Variants in CRTAC1 observed in about 807,000 individuals in gnomAD.
The protein encoded by CRTAC1 is acidic secreted protein in cartilage.
A neutral mutation model predicts 67.8 loss-of-function variants in CRTAC1; 37 were observed. The ratio of observed to expected loss-of-function variants is 0.55; its 90% confidence interval spans 0.42 to 0.72. The LOEUF is 0.72. Among genes scored for constraint, CRTAC1 ranks in the 30% least tolerant of loss-of-function variants. The probability of loss-of-function intolerance (pLI) is 0.00; values close to 1 mark genes in which losing one functional copy is unlikely to be tolerated. For synonymous variants in CRTAC1, 348 were observed against 371.0 expected, an observed-to-expected ratio of 0.94 and a Z score of 0.71; for missense variants, 780 against 931.6, an observed-to-expected ratio of 0.84 and a Z score of 2.12.
intron 2 of CRTAC1, among the ~76,000 whole-genome samples, chr10:97,982,146 T>C (rs1429386313): frequency 6.6e-6 from 1 of 152,196 alleles, no homozygotes; most frequent in Non-Finnish European, 1.5e-5. Context: ...TCTGATTTCA[T>C]AAAAGCTTCT....
At chr10:97,942,534 A>G (rs965911424) in intron 2 of CRTAC1, among the ~76,000 whole-genome samples, 18 of 152,246 alleles carry the variant, frequency 1.2e-4, no homozygotes, top group Admixed American at 2.0e-4. Context: ...CTTTTCGCTT[A>G]GAATCTTTGA....
chr10:97,930,169 G>A (rs2050983012), intron 3 of CRTAC1, among the ~76,000 whole-genome samples: 1 of 152,228 alleles, frequency 6.6e-6, no homozygotes, highest in South Asian at 2.1e-4. Context: ...GCCTAAGGTT[G>A]CACAGCTGTT....
At chr10:98,026,588 A>T (rs1448186365) in intron 1 of CRTAC1, among the ~76,000 whole-genome samples, 2 of 152,060 alleles carry the variant, frequency 1.3e-5, no homozygotes, top group Non-Finnish European at 2.9e-5. Context: ...TCCAGTTTAA[A>T]GAGAGGGGCT....
chr10:98,005,100 A>ATATATTTTTT, intron 2 of CRTAC1, among the ~76,000 whole-genome samples: 1 of 48,884 alleles, frequency 2.0e-5, no homozygotes, highest in African/African-American at 1.2e-4. Context: ...ATATATATAT[A>ATATATTTTTT]TTTTTTTTTT....
In CRTAC1 at chr10:98,021,042, G is replaced by T. The variant is rs536098539; in HGVS notation, c.24+9407C>A. Among the ~76,000 whole-genome samples the T allele has an allele frequency of 4.0e-5, 6 of 150,588 alleles. No individual in the cohort carries two copies. The East Asian group carries it at 9.9e-4, about 25-fold the overall frequency. ...ATTCATTCATTCATTCATTCATTCA[G>T]TATTTCTTGTGCACCTACTCTATGT... On this transcript the variant is annotated intron_variant, in intron 1 of 14. Coordinates refer to ENST00000370597, the MANE Select transcript of CRTAC1 (RefSeq NM_018058.7).
intron 2 of CRTAC1, among the ~76,000 whole-genome samples, chr10:97,964,007 G>A (rs941893803): frequency 1.4e-4 from 22 of 152,026 alleles, no homozygotes; most frequent in African/African-American, 4.8e-4. Flanking sequence ...TTCTACACTC[G>A]CCCCACCTAC....
At chr10:97,892,214 A>G (rs1475638551) in intron 11 of CRTAC1, among the ~76,000 whole-genome samples, 1 of 152,200 alleles carries the variant, frequency 6.6e-6, no homozygotes, top group African/African-American at 2.4e-5. Flanking sequence ...GGCAGGGCAG[A>G]TTCTGGCCAG....
chr10:97,902,854 A>G (rs988151945), intron 7 of CRTAC1, among the ~76,000 whole-genome samples: 4 of 151,554 alleles, frequency 2.6e-5, no homozygotes, highest in East Asian at 3.9e-4. Context: ...GGCTGTCTCC[A>G]TCAGAGGAGT....
rs189095532 is a variant in CRTAC1, at chr10:97,985,198, C to G, written c.224+25940G>C. On this transcript the variant is annotated intron_variant, in intron 2 of 14. Transcript: ENST00000370597. ...AGGAAGAGAGAATAGATGCTAGGCA[C>G]CAAAAAATGACAAATTTGAACCATA... is the stretch of plus-strand genomic sequence containing the variant. Among the ~76,000 whole-genome samples the G allele has an allele frequency of 2.0e-5, 3 of 152,244 alleles. No homozygotes were observed. In the East Asian group the frequency reaches 5.8e-4, roughly 29 times the overall value.
At chr10:97,906,503 C>T (rs1044412148) in intron 6 of CRTAC1, among the ~76,000 whole-genome samples, 17 of 152,174 alleles carry the variant, frequency 1.1e-4, no homozygotes, top group African/African-American at 3.4e-4. Flanking sequence ...TCTCTCCTCC[C>T]GCCTGATACC....
intron 1 of CRTAC1, among the ~76,000 whole-genome samples, chr10:98,019,872 G>A (rs1206413519): frequency 6.6e-6 from 1 of 152,222 alleles, no homozygotes; most frequent in Non-Finnish European, 1.5e-5. Flanking sequence ...CACCTGTCTT[G>A]TCCTTTCTCT....
At chr10:97,882,672 CT>C in intron 13 of CRTAC1, 113 bp downstream of exon 13, 1 of 1,084,708 alleles carries the variant, frequency 9.2e-7, no homozygotes, top group East Asian at 2.4e-5. Context: ...ACACCCTCCC[CT>C]GTCCTCCTTT....
At chr10:97,982,570 T>G (rs1430957891) in intron 2 of CRTAC1, among the ~76,000 whole-genome samples, 4 of 152,172 alleles carry the variant, frequency 2.6e-5, no homozygotes, top group Admixed American at 1.3e-4. Flanking sequence ...ATCAGAAAAT[T>G]GGATGAAAGC....
chr10:97,958,449 G>A (rs942250569), intron 2 of CRTAC1, among the ~76,000 whole-genome samples: 6 of 152,092 alleles, frequency 3.9e-5, no homozygotes, highest in Non-Finnish European at 8.8e-5. Flanking sequence ...TGTAGAGCTA[G>A]TGAATCTCCT....
intron 2 of CRTAC1, among the ~76,000 whole-genome samples, chr10:97,976,648 G>A (rs934448005): frequency 3.3e-5 from 5 of 152,162 alleles, no homozygotes; most frequent in East Asian, 1.9e-4. Flanking sequence ...TGAGCAAACC[G>A]ATCCATTGCC....
intron 2 of CRTAC1, among the ~76,000 whole-genome samples, chr10:97,988,539 T>C (rs1038218899): frequency 6.6e-6 from 1 of 152,022 alleles, no homozygotes; most frequent in African/African-American, 2.4e-5. Flanking sequence ...CTGGCCAACA[T>C]GGTGACTCCG....
chr10:97,910,261 CA>C (rs2050671791), intron 5 of CRTAC1, among the ~76,000 whole-genome samples: 1 of 152,202 alleles, frequency 6.6e-6, no homozygotes, highest in Admixed American at 6.5e-5. Context: ...TCGACTTAGC[CA>C]TTCCACAATG....
In CRTAC1 at chr10:98,005,102, T is replaced by TATA. The variant is rs67300507; in HGVS notation, c.224+6035_224+6036insTAT. 5.3e-4 allele frequency among the ~76,000 whole-genome samples: 17 copies of TATA among 31,936 alleles called. No homozygotes were observed. In the East Asian group the frequency reaches 8.4e-3, roughly 16 times the overall value. 21.0% of individuals were successfully genotyped at this position (31,936 alleles called of 152,430 possible). A position where few individuals can be genotyped will look rare whatever the true frequency, so the allele number is the denominator to read the frequency against. Reference sequence around the variant, plus strand: ...AATACATATATATATATATATATATTTTTTTTTTTTTTTTTTTTTGAGATG... The same window carrying TATA: ...AATACATATATATATATATATATATTATATTTTTTTTTTTTTTTTTTTGAGATG... On this transcript the variant is annotated intron_variant, in intron 2 of 14. Coordinates refer to ENST00000370597, the MANE Select transcript of CRTAC1 (RefSeq NM_018058.7).
intron 1 of CRTAC1, among the ~76,000 whole-genome samples, chr10:98,012,783 C>A (rs1461655223): frequency 1.3e-5 from 2 of 152,156 alleles, no homozygotes; most frequent in Non-Finnish European, 2.9e-5. Context: ...GGCAAGGCTC[C>A]AATTGCAGGG....
Sources: allele counts gnomAD v4.1 joint callset (sites outside exome capture counted in the v4.1 genomes callset), GRCh38; gene constraint gnomAD v4.1.1; transcripts MANE v1.5; gene names NCBI Gene and HGNC (gene_info 2026-07-23, HGNC 2026-07-21).